The following CSMD3 variants were observed in gnomAD, a reference collection of about 807,000 sequenced individuals.
CSMD3 encodes CUB and sushi domain-containing protein 3.
Under a neutral mutation model 435.2 loss-of-function variants are expected in CSMD3, and 177 were observed. The ratio of observed to expected loss-of-function variants is 0.41; its 90% CI spans 0.36 to 0.46. The LOEUF (loss-of-function observed/expected upper bound fraction) is 0.46. Ranked by LOEUF, CSMD3 falls within the 20% of genes least tolerant of loss-of-function variation. The pLI is 0.34. For synonymous variants in CSMD3, 1,656 were observed against 1,520.5 expected, an observed-to-expected ratio of 1.09 and a Z score of -2.07; for missense variants, 4,265 against 4,504.6, an observed-to-expected ratio of 0.95 and a Z score of 1.52.
intron 64 of CSMD3, among the ~76,000 whole-genome samples, chr8:112,245,404 A>G (rs1814628561): frequency 6.6e-6 from 1 of 152,182 alleles, no homozygotes; most frequent in African/African-American, 2.4e-5. Flanking sequence ...ATCTCTGAAA[A>G]AAGTGTTCTG....
chr8:113,348,442 T>C (rs1465871342), intron 1 of CSMD3, among the ~76,000 whole-genome samples: 1 of 152,120 alleles, frequency 6.6e-6, no homozygotes, highest in Non-Finnish European at 1.5e-5. Context: ...TTAGTACAGC[T>C]TCTTGTATAA....
chr8:113,275,307 A>G (rs1219189078), intron 3 of CSMD3, among the ~76,000 whole-genome samples: 1 of 152,086 alleles, frequency 6.6e-6, no homozygotes. Flanking sequence ...AGCTTTTATT[A>G]TACACCAGAT....
Position 113,055,880 on chromosome 8 carries a change from T to C in CSMD3, c.918-36701A>G, listed in dbSNP as rs115316636. 8.5e-3 allele frequency among the ~76,000 whole-genome samples: 1,294 copies of C among 152,214 alleles called. 22 individuals are homozygous for C. The highest frequency in any genetic ancestry group is 0.029 in the African/African-American group (1,214 of 41,518). ...TCTTAAAGTTTGAAGATGAACCTTC[T>C]CAAGTACCAGGCAAAGGCTTGCAAA... On this transcript the variant is annotated intron_variant, in intron 5 of 70. Coordinates refer to ENST00000297405, the MANE Select transcript of CSMD3 (RefSeq NM_198123.2).
chr8:113,118,849 G>T (rs2090909186), intron 4 of CSMD3, among the ~76,000 whole-genome samples: 1 of 152,114 alleles, frequency 6.6e-6, no homozygotes, highest in Admixed American at 6.6e-5. Context: ...AATTGCCGCA[G>T]CAGGGGATTG....
At chr8:112,554,792 A>G (rs1008343847) in intron 25 of CSMD3, among the ~76,000 whole-genome samples, 1 of 151,956 alleles carries the variant, frequency 6.6e-6, no homozygotes, top group African/African-American at 2.4e-5. Context: ...TGGTGCCTCA[A>G]AAACTAATTT....
At chr8:112,636,795 A>G (rs1170814272) in intron 22 of CSMD3, 22 bp downstream of exon 22, 2 of 1,605,478 alleles carry the variant, frequency 1.2e-6, no homozygotes, top group African/African-American at 2.7e-5. Context: ...ATACAAGCAA[A>G]TGAAAGCAGC....
At chr8:112,433,181 CA>C in intron 32 of CSMD3, among the ~76,000 whole-genome samples, 1 of 152,126 alleles carries the variant, frequency 6.6e-6, no homozygotes, top group East Asian at 1.9e-4. Context: ...TAAATGTATA[CA>C]GTAGGCTCAT....
At chr8:112,577,326 A>G (rs905563884) in intron 23 of CSMD3, among the ~76,000 whole-genome samples, 2 of 152,146 alleles carry the variant, frequency 1.3e-5, no homozygotes, top group Admixed American at 6.6e-5. Context: ...GAATACAAGC[A>G]TACAAATAAG....
intron 13 of CSMD3, among the ~76,000 whole-genome samples, chr8:112,783,916 T>C (rs1345986300): frequency 6.6e-6 from 1 of 151,956 alleles, no homozygotes; most frequent in Non-Finnish European, 1.5e-5. Context: ...CATATATATG[T>C]ACTCAACACC....
intron 3 of CSMD3, among the ~76,000 whole-genome samples, chr8:113,223,622 C>CATATATATAT (rs3048833): frequency 1.4e-5 from 2 of 146,106 alleles, no homozygotes; most frequent in African/African-American, 2.5e-5. Context: ...GTCAAGTATA[C>CATATATATAT]ATATATATAT....
chr8:112,867,886 A>G (rs571517858), intron 10 of CSMD3, among the ~76,000 whole-genome samples: 1 of 152,200 alleles, frequency 6.6e-6, no homozygotes, highest in South Asian at 2.1e-4. Flanking sequence ...AAAAATTGTT[A>G]CTTAAATAGT....
At chr8:112,697,901 C>T (rs908657353) in intron 13 of CSMD3, among the ~76,000 whole-genome samples, 30 of 151,924 alleles carry the variant, frequency 2.0e-4, no homozygotes, top group African/African-American at 5.3e-4. Context: ...GTTATCTCAC[C>T]GAGTAGACTA....
At chr8:113,292,806 C>T (rs2093695270) in intron 2 of CSMD3, among the ~76,000 whole-genome samples, 1 of 151,170 alleles carries the variant, frequency 6.6e-6, no homozygotes, top group Admixed American at 6.6e-5. Flanking sequence ...AGGTGAAAAC[C>T]TCAATTACTT....
chr8:112,668,388 G>A (rs1047087575), intron 16 of CSMD3, among the ~76,000 whole-genome samples: 4 of 152,056 alleles, frequency 2.6e-5, no homozygotes, highest in East Asian at 3.9e-4. Context: ...AACTCATATT[G>A]TTCCAGAAAA....
chr8:113,187,834 C>T (rs2092530453), intron 3 of CSMD3, among the ~76,000 whole-genome samples: 1 of 151,862 alleles, frequency 6.6e-6, no homozygotes, highest in South Asian at 2.1e-4. Context: ...AATTTCTCAC[C>T]TGATGATCAT....
At chr8:113,038,148 G>C (rs2087439198) in intron 5 of CSMD3, among the ~76,000 whole-genome samples, 2 of 152,104 alleles carry the variant, frequency 1.3e-5, no homozygotes, top group African/African-American at 4.8e-5. Context: ...TTACACAGGT[G>C]TCAGTCAACA....
intron 1 of CSMD3, among the ~76,000 whole-genome samples, chr8:113,336,270 A>G (rs908912451): frequency 2.0e-5 from 3 of 151,692 alleles, no homozygotes; most frequent in African/African-American, 7.3e-5. Context: ...TCCTCCTTAC[A>G]TGTTCTATTC....
chr8:112,501,858 G>A (rs932019539), intron 30 of CSMD3, among the ~76,000 whole-genome samples: 1 of 152,006 alleles, frequency 6.6e-6, no homozygotes, highest in African/African-American at 2.4e-5. Context: ...GTATCATAAA[G>A]GACTTAATAA....
intron 22 of CSMD3, among the ~76,000 whole-genome samples, chr8:112,595,332 A>G (rs1340258001): frequency 2.7e-5 from 4 of 149,668 alleles, no homozygotes; most frequent in South Asian, 4.3e-4. Flanking sequence ...ATAACAAGAA[A>G]TGAGCAAAGC....
Sources: allele counts gnomAD v4.1 joint callset (sites outside exome capture counted in the v4.1 genomes callset), GRCh38; gene constraint gnomAD v4.1.1; transcripts MANE v1.5; gene names NCBI Gene and HGNC (gene_info 2026-07-23, HGNC 2026-07-21).